Variants in ZSCAN25 observed in about 807,000 individuals in gnomAD.
The protein encoded by ZSCAN25 is zinc finger and SCAN domain-containing protein 25.
Under a neutral mutation model 38.7 loss-of-function variants are expected in ZSCAN25, and 27 were observed. The observed-to-expected ratio is 0.70, with a 90% CI of 0.51 to 0.96. The LOEUF (loss-of-function observed/expected upper bound fraction) is 0.96. ZSCAN25 is among the 40% of genes least tolerant of loss of function. ZSCAN25 has a pLI of 0.00. For missense variants in ZSCAN25, 637 were observed against 705.9 expected (o/e 0.90, Z 1.11); for synonymous variants, 273 against 277.7 (o/e 0.98, Z 0.17).
At chr7:99,707,573 G>A in the ZSCAN25 span, among the ~76,000 whole-genome samples, 547 of 152,296 alleles carry the variant, frequency 3.6e-3, 7 homozygotes, top group Non-Finnish European at 1.7e-3. Flanking sequence ...AGTTCAAGGA[G>A]ACTGTAGATA....
chr7:99,634,973 CA>C (rs1472293048), downstream of ZSCAN25, among the ~76,000 whole-genome samples: 1 of 152,118 alleles, frequency 6.6e-6, no homozygotes, highest in Non-Finnish European at 1.5e-5. Flanking sequence ...AAGCTGGTTT[CA>C]AGTCCCCTCC....
At chr7:99,715,561 G>C in the ZSCAN25 span, 18 of 941,824 alleles carry the variant, frequency 1.9e-5, no homozygotes, top group Admixed American at 7.6e-5. Flanking sequence ...GGGGTTGATA[G>C]CTAAACATGT....
the ZSCAN25 span, chr7:99,730,775 A>T: frequency 2.7e-6 from 1 of 371,556 alleles, no homozygotes; most frequent in Non-Finnish European, 5.0e-6. Flanking sequence ...GCAAAAAGGA[A>T]ATGCTCTTTA....
chr7:99,669,886 T>G, the ZSCAN25 span, among the ~76,000 whole-genome samples: 1 of 152,176 alleles, frequency 6.6e-6, no homozygotes, highest in African/African-American at 2.4e-5. Flanking sequence ...AGAGAGGGAC[T>G]TGTACAATTA....
intron 7 of ZSCAN25, among the ~76,000 whole-genome samples, chr7:99,627,390 A>G (rs1172597498): frequency 6.6e-6 from 1 of 152,220 alleles, no homozygotes; most frequent in Non-Finnish European, 1.5e-5. Context: ...ACCCAAATGA[A>G]CAACAGTCAA....
chr7:99,737,355 G>A, the ZSCAN25 span, among the ~76,000 whole-genome samples: 51 of 152,170 alleles, frequency 3.4e-4, 1 homozygote, highest in African/African-American at 1.2e-3. Flanking sequence ...CCAGAAATTG[G>A]TTGAGATTCG....
chr7:99,735,142 CG>C, the ZSCAN25 span: 1 of 1,610,912 alleles, frequency 6.2e-7, no homozygotes, highest in Non-Finnish European at 8.5e-7. Context: ...TTTTCAGCAG[CG>C]TGCTGCTGTT....
the ZSCAN25 span, among the ~76,000 whole-genome samples, chr7:99,690,322 A>C: frequency 6.6e-6 from 1 of 152,262 alleles, no homozygotes; most frequent in African/African-American, 2.4e-5. Flanking sequence ...CTTACATGTT[A>C]GACCTAAAAC....
At chr7:99,666,286 A>G in the ZSCAN25 span, among the ~76,000 whole-genome samples, 1 of 152,166 alleles carries the variant, frequency 6.6e-6, no homozygotes, top group East Asian at 1.9e-4. Flanking sequence ...TTCCATATCC[A>G]CTACACTCAA....
At chr7:99,659,058 G>C in the ZSCAN25 span, 2 of 152,036 alleles carry the variant, frequency 1.3e-5, no homozygotes, top group Non-Finnish European at 2.9e-5. Context: ...TAGTTTGATC[G>C]TCTGAAGCCT....
the ZSCAN25 span, chr7:99,695,757 A>G: frequency 3.1e-6 from 5 of 1,613,470 alleles, no homozygotes; most frequent in African/African-American, 5.3e-5. Context: ...TGATGGTAGG[A>G]CAAAGTAGTT....
chr7:99,629,249 G>A lies in ZSCAN25; in HGVS notation c.864G>A (p.Leu288=). ...CACAGGAAGACCTGAAAGGGGCGCTGGTGGCACTGACATCAGAGAGGTTTG... is the reference window on the plus strand; with the variant it reads ...CACAGGAAGACCTGAAAGGGGCGCTAGTGGCACTGACATCAGAGAGGTTTG... The part of the protein sequence containing the change: ...KPPQEDLKGA[L]VALTSERFGE... The change falls in exon 8 of 8, where the codon CTG becomes CTA. Residue 288 remains leucine, a synonymous_variant. Transcript: ENST00000394152. The surrounding 1 kb of genome is among the most constrained non-coding windows in gnomAD (Gnocchi z 5.6). The A allele has an allele frequency of 6.2e-7, 1 of 1,614,094 alleles. No individual in the cohort carries two copies. The highest frequency in any genetic ancestry group is 8.5e-7 in the Non-Finnish European group (1 of 1,179,982).
chr7:99,671,844 G>T, the ZSCAN25 span: 1 of 702,938 alleles, frequency 1.4e-6, no homozygotes, highest in South Asian at 1.5e-5. Context: ...GACGGAATGG[G>T]TCTGCATCTT....
At chr7:99,675,739 G>C in the ZSCAN25 span, among the ~76,000 whole-genome samples, 1 of 113,238 alleles carries the variant, frequency 8.8e-6, no homozygotes, top group Non-Finnish European at 1.8e-5. Flanking sequence ...TGTTGACCAA[G>C]CTGGAGTGCA....
At chr7:99,662,909 G>C in the ZSCAN25 span, 623 of 1,612,808 alleles carry the variant, frequency 3.9e-4, 3 homozygotes, top group East Asian at 0.012. The surrounding 1 kb of genome is among the most constrained non-coding windows in gnomAD (Gnocchi z 4.3). Flanking sequence ...AGATTTCTTT[G>C]GCAGAAAGTG....
the ZSCAN25 span, among the ~76,000 whole-genome samples, chr7:99,679,165 A>G: frequency 5.9e-5 from 9 of 152,302 alleles, no homozygotes; most frequent in South Asian, 1.9e-3. Context: ...CTAGAGGTTA[A>G]TCATTGCAAG....
the ZSCAN25 span, chr7:99,714,784 A>G: frequency 2.6e-6 from 4 of 1,544,214 alleles, no homozygotes; most frequent in Non-Finnish European, 3.5e-6. Flanking sequence ...AGTGAAATAC[A>G]TCAGTGTTCT....
At chr7:99,672,542 A>G in the ZSCAN25 span, 787 of 1,515,650 alleles carry the variant, frequency 5.2e-4, 1 homozygote, top group African/African-American at 8.9e-3. Flanking sequence ...TAATCAGTGG[A>G]TCAATCATTA....
At chr7:99,693,796 A>G in the ZSCAN25 span, among the ~76,000 whole-genome samples, 3 of 152,188 alleles carry the variant, frequency 2.0e-5, no homozygotes, top group African/African-American at 4.8e-5. Flanking sequence ...TTCTGCCTCA[A>G]TCTTGCTGGG....
Sources: allele counts gnomAD v4.1 joint callset (sites outside exome capture counted in the v4.1 genomes callset), GRCh38; gene constraint gnomAD v4.1.1; non-coding constraint Gnocchi (gnomAD v3.1); transcripts MANE v1.5; gene names NCBI Gene and HGNC (gene_info 2026-07-23, HGNC 2026-07-21).